The following LHFPL3 variants were observed in gnomAD, a reference collection of about 807,000 sequenced individuals.
LHFPL3 encodes the protein LHFPL tetraspan subfamily member 3.
A neutral mutation model predicts 19.3 loss-of-function variants in LHFPL3; 5 were observed. That is an observed-to-expected ratio of 0.26 (90% CI 0.14 to 0.54). The LOEUF is 0.54. LHFPL3 is among the 20% of genes least tolerant of loss of function. LHFPL3 has a pLI of 0.94. For synonymous variants in LHFPL3, 133 were observed against 126.2 expected (o/e 1.05, Z -0.36); for missense variants, 249 against 307.4 (o/e 0.81, Z 1.42).
At chr7:104,521,299 T>C (rs1794055264) in intron 1 of LHFPL3, among the ~76,000 whole-genome samples, 1 of 152,202 alleles carries the variant, frequency 6.6e-6, no homozygotes, top group Non-Finnish European at 1.5e-5. Context: ...TTGATTGCAC[T>C]GTGGTCTGAG....
chr7:104,443,226 A>C (rs1584323483), intron 1 of LHFPL3, among the ~76,000 whole-genome samples: 2 of 152,212 alleles, frequency 1.3e-5, no homozygotes, highest in African/African-American at 2.4e-5. Context: ...CTGTCTCCAA[A>C]GTTAACAGCA....
chr7:104,596,203 T>A (rs1790854368), intron 1 of LHFPL3, among the ~76,000 whole-genome samples: 1 of 152,236 alleles, frequency 6.6e-6, no homozygotes, highest in African/African-American at 2.4e-5. Flanking sequence ...CTGTTTTAAT[T>A]TTTATCACAT....
At chr7:104,594,405 C>A (rs181965149) in intron 1 of LHFPL3, among the ~76,000 whole-genome samples, 10 of 152,150 alleles carry the variant, frequency 6.6e-5, no homozygotes, top group South Asian at 2.1e-4. Flanking sequence ...CTGAGAGATC[C>A]GCTGTTAGTC....
chr7:104,634,319 G>T (rs894749755), intron 1 of LHFPL3, among the ~76,000 whole-genome samples: 3 of 152,140 alleles, frequency 2.0e-5, no homozygotes, highest in Non-Finnish European at 2.9e-5. Flanking sequence ...CCTGGTGAGG[G>T]TTCCCTTCCT....
chr7:104,649,324 G>A (rs913411173), intron 1 of LHFPL3, among the ~76,000 whole-genome samples: 1 of 152,224 alleles, frequency 6.6e-6, no homozygotes, highest in Non-Finnish European at 1.5e-5. Context: ...TGGGAGCACA[G>A]AGCAGGAATC....
At chr7:104,607,151 G>C (rs1791118529) in intron 1 of LHFPL3, among the ~76,000 whole-genome samples, 1 of 152,162 alleles carries the variant, frequency 6.6e-6, no homozygotes, top group Admixed American at 6.5e-5. Flanking sequence ...ATTTTGCAAA[G>C]GCAGTTTAGC....
intron 1 of LHFPL3, among the ~76,000 whole-genome samples, chr7:104,394,378 G>A (rs1791141215): frequency 6.6e-6 from 1 of 152,074 alleles, no homozygotes; most frequent in African/African-American, 2.4e-5. Flanking sequence ...ATTAATGGTG[G>A]TATAATTTAG....
At chr7:104,515,955 G>A (rs1039799682) in intron 1 of LHFPL3, among the ~76,000 whole-genome samples, 1 of 151,918 alleles carries the variant, frequency 6.6e-6, no homozygotes, top group Non-Finnish European at 1.5e-5. Flanking sequence ...TTCCAAAGTC[G>A]CTTCCACATG....
chr7:104,383,430 A>G (rs146310687), intron 1 of LHFPL3, among the ~76,000 whole-genome samples: 94 of 152,362 alleles, frequency 6.2e-4, no homozygotes, highest in Admixed American at 2.2e-3. Context: ...GGTTCCTGCC[A>G]GCGTACTTCC....
intron 1 of LHFPL3, among the ~76,000 whole-genome samples, chr7:104,640,006 A>G (rs540768795): frequency 6.6e-6 from 1 of 152,278 alleles, no homozygotes; most frequent in African/African-American, 2.4e-5. Context: ...AGCATCTGTC[A>G]TGTCATCTCC....
chr7:104,611,846 TAC>T (rs1301400164), intron 1 of LHFPL3, among the ~76,000 whole-genome samples: 4 of 152,150 alleles, frequency 2.6e-5, no homozygotes, highest in Non-Finnish European at 5.9e-5. Context: ...AAGAAGATAA[TAC>T]AGACGTGCTG....
At chr7:104,878,199 A>G (rs1481959983) in intron 2 of LHFPL3, among the ~76,000 whole-genome samples, 3 of 152,150 alleles carry the variant, frequency 2.0e-5, no homozygotes, top group Admixed American at 6.6e-5. Context: ...GATGATGGAT[A>G]AACAAAATGT....
intron 1 of LHFPL3, among the ~76,000 whole-genome samples, chr7:104,505,144 C>A (rs375907860): frequency 3.9e-5 from 6 of 152,168 alleles, no homozygotes; most frequent in African/African-American, 1.4e-4. Context: ...GCACTGGCTT[C>A]CAAAATCAGT....
At chr7:104,387,932 C>T (rs1194807687) in intron 1 of LHFPL3, among the ~76,000 whole-genome samples, 1 of 152,122 alleles carries the variant, frequency 6.6e-6, no homozygotes, top group Non-Finnish European at 1.5e-5. Context: ...TTCTATCCTC[C>T]TCCTCCTCCC....
intron 1 of LHFPL3, among the ~76,000 whole-genome samples, chr7:104,649,592 G>T (rs913367443): frequency 1.1e-4 from 16 of 152,298 alleles, no homozygotes; most frequent in Non-Finnish European, 2.2e-4. Flanking sequence ...GGTGGACGGG[G>T]CCAAACCATA....
At chr7:104,611,357 C>T (rs1373526719) in intron 1 of LHFPL3, among the ~76,000 whole-genome samples, 1 of 152,176 alleles carries the variant, frequency 6.6e-6, no homozygotes, top group African/African-American at 2.4e-5. Context: ...GAGTTCCAAC[C>T]TTCCTATTGC....
At chr7:104,511,944 CTTTTTTTTTT>C (rs58712044) in intron 1 of LHFPL3, among the ~76,000 whole-genome samples, 9 of 111,988 alleles carry the variant, frequency 8.0e-5, no homozygotes, top group African/African-American at 2.5e-4. Context: ...CTTTCCTTTT[CTTTTTTTTTT>C]TTTTTTTTTT....
chr7:104,431,776 A>G (rs544266119), intron 1 of LHFPL3, among the ~76,000 whole-genome samples: 3 of 152,344 alleles, frequency 2.0e-5, no homozygotes, highest in Non-Finnish European at 4.4e-5. Flanking sequence ...TGTATTGAGA[A>G]ATACTATTTC....
At chr7:104,571,448 G>A (rs989018982) in intron 1 of LHFPL3, among the ~76,000 whole-genome samples, 2 of 152,028 alleles carry the variant, frequency 1.3e-5, no homozygotes, top group Non-Finnish European at 2.9e-5. Context: ...TGTTTAGAAG[G>A]AGCCTTAACA....
Sources: allele counts gnomAD v4.1 joint callset (sites outside exome capture counted in the v4.1 genomes callset), GRCh38; gene constraint gnomAD v4.1.1; transcripts MANE v1.5; gene names NCBI Gene and HGNC (gene_info 2026-07-23, HGNC 2026-07-21).